The following COLEC12 variants were observed in gnomAD, a reference collection of about 807,000 sequenced individuals.
COLEC12 encodes the protein collectin subfamily member 12.
COLEC12 carries 33 observed loss-of-function variants against 71.1 expected under a neutral mutation model. The ratio of observed to expected loss-of-function variants is 0.46; its 90% CI spans 0.35 to 0.62. The LOEUF (loss-of-function observed/expected upper bound fraction) is 0.62. Among genes scored for constraint, COLEC12 ranks in the 20% least tolerant of loss-of-function variants. The pLI is 0.00. For missense variants in COLEC12, 765 were observed against 916.1 expected, an observed-to-expected ratio of 0.84 and a Z score of 2.13; for synonymous variants, 350 against 353.0, an observed-to-expected ratio of 0.99 and a Z score of 0.10.
intron 2 of COLEC12, among the ~76,000 whole-genome samples, chr18:463,066 G>C (rs1917014093): frequency 6.6e-6 from 1 of 152,158 alleles, no homozygotes; most frequent in African/African-American, 2.4e-5. Context: ...TTCTGAAGAA[G>C]CCCAGGCTGA....
At position 327,058 on chromosome 18, in the gene COLEC12, A is replaced by G. The variant is rs1159929347; in HGVS notation, c.2063+4610T>C. 6.6e-6 allele frequency among the ~76,000 whole-genome samples: 1 copy of G among 152,214 alleles called. No individual in the cohort carries two copies. The highest frequency in any genetic ancestry group is 1.5e-5 in the Non-Finnish European group (1 of 68,032). On this transcript the variant is annotated intron_variant, in intron 8 of 9. Transcript: ENST00000400256. This position sits in a 1 kb window ranked among gnomAD's most constrained non-coding sequence, Gnocchi z 4.0. ...AGGCTGGCTCATGGCAGACACTTCA[A>G]GATAATCCATCAAATGTTATCATGA...
intron 1 of COLEC12, among the ~76,000 whole-genome samples, chr18:488,134 G>C (rs1414499223): frequency 6.6e-6 from 1 of 152,178 alleles, no homozygotes; most frequent in East Asian, 1.9e-4. Flanking sequence ...AAAAGGGCTG[G>C]GCACGGTGGC....
At chr18:423,879 G>T (rs1916147951) in intron 2 of COLEC12, 1 of 152,140 alleles carries the variant, frequency 6.6e-6, no homozygotes, top group Non-Finnish European at 1.5e-5. Context: ...CTTCCCAAAA[G>T]AGAATTATGC....
intron 2 of COLEC12, among the ~76,000 whole-genome samples, chr18:463,292 C>T (rs1179325920): frequency 1.3e-5 from 2 of 152,188 alleles, no homozygotes; most frequent in Admixed American, 1.3e-4. Flanking sequence ...ATTTTCCCCC[C>T]AGTCATAAAT....
chr18:464,651 C>T lies in COLEC12; in HGVS notation c.58+16056G>A, dbSNP rs114617489. The stretch of plus-strand genomic sequence containing the variant: ...CATTTCTCAAACTACAGTAGAGATA[C>T]GTTGATCTTTTTTCTCCCCGGCTAG... On this transcript the variant is annotated intron_variant, in intron 2 of 9. Coordinates refer to ENST00000400256, the MANE Select transcript of COLEC12 (RefSeq NM_130386.3). Among the ~76,000 whole-genome samples, 1,084 of 152,304 alleles carry T rather than the reference C, an allele frequency of 7.1e-3. 15 individuals are homozygous for T. The highest frequency in any genetic ancestry group is 0.024 in the African/African-American group (1,007 of 41,562).
chr18:448,297 C>T lies in COLEC12; in HGVS notation c.58+32410G>A, dbSNP rs192629273. 7.2e-4 allele frequency among the ~76,000 whole-genome samples: 109 copies of T among 152,290 alleles called. 2 individuals are homozygous for T. In the East Asian group the frequency reaches 0.018, roughly 25 times the overall value. ...AACATGACTCTGGCAAACGAGCGTT[C>T]GCTAAAGTCTGATCCTGTAATCTTT... On this transcript the variant is annotated intron_variant, in intron 2 of 9. Transcript: ENST00000400256.
At chr18:494,534 C>T (rs1476717239) in intron 1 of COLEC12, among the ~76,000 whole-genome samples, 1 of 152,128 alleles carries the variant, frequency 6.6e-6, no homozygotes, top group Admixed American at 6.5e-5. Flanking sequence ...CTGAGGTCCC[C>T]AGGCTCTCTT....
intron 2 of COLEC12, among the ~76,000 whole-genome samples, chr18:469,165 G>A (rs1182401149): frequency 2.0e-5 from 3 of 152,256 alleles, no homozygotes; most frequent in Non-Finnish European, 4.4e-5. Context: ...GACGGAAAGA[G>A]GTGGGGGCAG....
At chr18:497,802 G>C (rs1487953318) in intron 1 of COLEC12, among the ~76,000 whole-genome samples, 1 of 152,198 alleles carries the variant, frequency 6.6e-6, no homozygotes, top group African/African-American at 2.4e-5. Flanking sequence ...ACAACTATTT[G>C]ATGTAATCAG....
chr18:486,338 T>C (rs968557293), intron 1 of COLEC12, among the ~76,000 whole-genome samples: 1 of 152,114 alleles, frequency 6.6e-6, no homozygotes, highest in Non-Finnish European at 1.5e-5. Flanking sequence ...GCCTGCGCCA[T>C]TATGCCTGCC....
chr18:479,846 CTCCTCTTACA>C (rs1917378985), intron 2 of COLEC12, among the ~76,000 whole-genome samples: 1 of 152,216 alleles, frequency 6.6e-6, no homozygotes, highest in African/African-American at 2.4e-5. Flanking sequence ...ATACAGATTT[CTCCTCTTACA>C]GTTCTGGGGG....
At chr18:394,588 T>C (rs754209567) in intron 2 of COLEC12, among the ~76,000 whole-genome samples, 1 of 152,250 alleles carries the variant, frequency 6.6e-6, no homozygotes, top group Non-Finnish European at 1.5e-5. Context: ...AGGTTTCCCA[T>C]TTTTGCTTCT....
intron 5 of COLEC12, among the ~76,000 whole-genome samples, chr18:342,005 C>T (rs1389526391): frequency 2.6e-5 from 4 of 152,184 alleles, no homozygotes; most frequent in East Asian, 1.9e-4. Context: ...CTTCTGTGTA[C>T]ATAATTAGAA....
intron 2 of COLEC12, among the ~76,000 whole-genome samples, chr18:452,458 C>T (rs949090753): frequency 2.0e-5 from 3 of 152,180 alleles, no homozygotes; most frequent in Non-Finnish European, 2.9e-5. Context: ...ATATAATGAT[C>T]GCTGTTGATT....
At chr18:378,309 G>C (rs1388053582) in intron 2 of COLEC12, among the ~76,000 whole-genome samples, 2 of 152,198 alleles carry the variant, frequency 1.3e-5, no homozygotes, top group African/African-American at 4.8e-5. Flanking sequence ...GGGCACATCA[G>C]AAGAAGTTGT....
Position 347,978 on chromosome 18 carries a change from G to C in COLEC12, c.280+87C>G, listed in dbSNP as rs538661992. On this transcript the variant is annotated intron_variant, in intron 4 of 9. Coordinates refer to ENST00000400256, the MANE Select transcript of COLEC12 (RefSeq NM_130386.3). Reference sequence around the variant, plus strand: ...AATTGAATGTCCTTCCGGGTGAATGGGGAGTTTATAGCAACATCATTCTAA... The same window carrying C: ...AATTGAATGTCCTTCCGGGTGAATGCGGAGTTTATAGCAACATCATTCTAA... 2 of 795,356 alleles carry C rather than the reference G, an allele frequency of 2.5e-6. 1 individual carries two copies. Among genetic ancestry groups the C allele is most frequent in the African/African-American group, 3.4e-5 (2 of 58,138 alleles). 49.3% of individuals were successfully genotyped at this position (795,356 alleles called of 1,614,324 possible).
At chr18:365,489 T>C (rs1007251725) in intron 2 of COLEC12, among the ~76,000 whole-genome samples, 3 of 152,192 alleles carry the variant, frequency 2.0e-5, no homozygotes, top group African/African-American at 7.2e-5. Context: ...CCCCATGGTT[T>C]TCTTTTGAAG....
intron 2 of COLEC12, among the ~76,000 whole-genome samples, chr18:469,983 T>C (rs1917161351): frequency 1.3e-5 from 2 of 152,234 alleles, no homozygotes; most frequent in South Asian, 4.1e-4. Flanking sequence ...TATCCATCTT[T>C]GTACCACAGT....
chr18:485,532 C>CTA (rs1336951902), intron 1 of COLEC12, among the ~76,000 whole-genome samples: 1 of 152,196 alleles, frequency 6.6e-6, no homozygotes, highest in Admixed American at 6.5e-5. Flanking sequence ...ATCCTACAGG[C>CTA]TATGTTATAT....
Sources: gnomAD v4.1 joint callset for allele counts (sites outside exome capture counted in the v4.1 genomes callset) on GRCh38, gnomAD v4.1.1 for gene constraint, Gnocchi (gnomAD v3.1) non-coding constraint, MANE v1.5 for transcripts, NCBI Gene and HGNC (gene_info 2026-07-23, HGNC 2026-07-21) for gene names.